Variants in TLK1 observed in about 807,000 individuals in gnomAD.
TLK1 encodes the protein serine/threonine-protein kinase tousled-like 1.
In TLK1, 24 loss-of-function variants were observed where a neutral mutation model predicts 105.3. That is an observed-to-expected ratio of 0.23 (90% CI 0.17 to 0.32). The LOEUF (loss-of-function observed/expected upper bound fraction) is 0.32, where lower values mean the gene tolerates loss of function less well. Ranked by LOEUF, TLK1 falls within the 10% of genes least tolerant of loss-of-function variation. The probability of loss-of-function intolerance (pLI) is 1.00; values close to 1 mark genes in which losing one functional copy is unlikely to be tolerated. For synonymous variants in TLK1, 321 were observed against 310.4 expected (o/e 1.03, Z -0.36); for missense variants, 558 against 910.5 (o/e 0.61, Z 4.98).
intron 3 of TLK1, among the ~76,000 whole-genome samples, chr2:171,062,243 A>G (rs1395645463): frequency 6.6e-6 from 1 of 152,246 alleles, no homozygotes; most frequent in Non-Finnish European, 1.5e-5. Flanking sequence ...CCTGAACTTC[A>G]CAAGAGCTCC....
At chr2:171,114,205 G>GA (rs1052096890) in intron 2 of TLK1, among the ~76,000 whole-genome samples, 3 of 151,918 alleles carry the variant, frequency 2.0e-5, no homozygotes, top group Non-Finnish European at 4.4e-5. Context: ...AAAAATCAAA[G>GA]AAAAAAATGA....
At chr2:171,194,675 G>A (rs566758509) in intron 1 of TLK1, among the ~76,000 whole-genome samples, 28 of 150,930 alleles carry the variant, frequency 1.9e-4, no homozygotes, top group Non-Finnish European at 4.0e-4. Context: ...AAATTAGCCG[G>A]GCGTGGTAGC....
intron 14 of TLK1, 27 bp from the exon 15 acceptor site, chr2:171,007,090 A>C (rs780466743): frequency 1.3e-6 from 2 of 1,562,056 alleles, no homozygotes; most frequent in African/African-American, 1.4e-5. Context: ...AAAACAATTA[A>C]GATGAAAGAC....
chr2:171,203,676 A>G (rs371290818), intron 1 of TLK1, among the ~76,000 whole-genome samples: 10 of 152,332 alleles, frequency 6.6e-5, no homozygotes, highest in African/African-American at 2.4e-4. Context: ...GTTAATTTAT[A>G]CAGAATATAT....
chr2:171,116,990 A>C (rs2105529359), intron 2 of TLK1, among the ~76,000 whole-genome samples: 1 of 152,296 alleles, frequency 6.6e-6, no homozygotes, highest in South Asian at 2.1e-4. Flanking sequence ...AAGTACATGA[A>C]AACTCATCAC....
chr2:171,010,291 G>A (rs1187251068), intron 14 of TLK1, among the ~76,000 whole-genome samples: 1 of 152,122 alleles, frequency 6.6e-6, no homozygotes, highest in Non-Finnish European at 1.5e-5. Context: ...TGAGGGACCA[G>A]GCAGATGAAT....
rs1685452162 is a variant in TLK1, at chr2:171,020,636, CTTA to C, written c.1237-5691_1237-5689del. On this transcript the variant is annotated intron_variant, in intron 12 of 20. Transcript: ENST00000431350. ...ATTACTAATTTATTTCGAATTTATC[CTTA>C]TTATGTCACCATATTATATGCTTTC... 2.0e-5 allele frequency among the ~76,000 whole-genome samples: 3 copies of C among 151,624 alleles called. No homozygotes were observed. In the South Asian group the frequency reaches 6.3e-4, roughly 32 times the overall value.
At chr2:171,216,229 C>A (rs887364328) in intron 1 of TLK1, among the ~76,000 whole-genome samples, 1 of 152,194 alleles carries the variant, frequency 6.6e-6, no homozygotes, top group Non-Finnish European at 1.5e-5. Context: ...GTAATCCCAG[C>A]ACTTTGGGAG....
chr2:171,219,060 G>A lies in TLK1; in HGVS notation c.-6+12085C>T, dbSNP rs537043942. Reference sequence around the variant, plus strand: ...ACAATGATAGATTCAAATCCAGGACGATTTGACTCTAAAGGCCTTGCTCCT... The same window carrying A: ...ACAATGATAGATTCAAATCCAGGACAATTTGACTCTAAAGGCCTTGCTCCT... On this transcript the variant is annotated intron_variant, in intron 1 of 20. Transcript: ENST00000521943. Among the ~76,000 whole-genome samples, 121 of 152,224 alleles carry A rather than the reference G, an allele frequency of 7.9e-4. 2 individuals are homozygous for A. The highest frequency in any genetic ancestry group is 1.5e-3 in the South Asian group (7 of 4,818).
At chr2:171,097,712 G>T (rs967636594) in intron 2 of TLK1, among the ~76,000 whole-genome samples, 1 of 152,138 alleles carries the variant, frequency 6.6e-6, no homozygotes, top group African/African-American at 2.4e-5. Flanking sequence ...ATCATATGAG[G>T]TCAGGAATTG....
chr2:171,067,409 C>T (rs1688052042), intron 3 of TLK1, among the ~76,000 whole-genome samples: 1 of 152,022 alleles, frequency 6.6e-6, no homozygotes, highest in South Asian at 2.1e-4. Context: ...GATCCACCCG[C>T]CTCGGCCTCC....
At chr2:171,115,944 A>C (rs1220083487) in intron 2 of TLK1, among the ~76,000 whole-genome samples, 2 of 152,240 alleles carry the variant, frequency 1.3e-5, no homozygotes, top group East Asian at 3.8e-4. Context: ...GGTAATTCTT[A>C]TTAAAATATC....
Position 171,068,028 on chromosome 2 carries a change from T to C in TLK1, c.331-6872A>G, listed in dbSNP as rs184952096. On this transcript the variant is annotated intron_variant, in intron 3 of 20. Coordinates refer to ENST00000431350, the MANE Select transcript of TLK1 (RefSeq NM_012290.5). ...AATCAGAAAAAAAGTGATCTTTTTTTCCTGAGACATGGGATCAGCCGGGCA... is the reference window on the plus strand; with the variant it reads ...AATCAGAAAAAAAGTGATCTTTTTTCCCTGAGACATGGGATCAGCCGGGCA... Among the ~76,000 whole-genome samples the C allele has an allele frequency of 6.2e-3, 944 of 152,168 alleles. 13 individuals are homozygous for C. The highest frequency in any genetic ancestry group is 0.021 in the African/African-American group (887 of 41,510).
chr2:171,067,959 T>G (rs1688084411), intron 3 of TLK1, among the ~76,000 whole-genome samples: 1 of 152,184 alleles, frequency 6.6e-6, no homozygotes, highest in East Asian at 1.9e-4. Context: ...ACTCATCCTT[T>G]TTTATGGCTG....
Position 171,003,273 on chromosome 2 carries a change from CAAAAAAAAAAAAA to C in TLK1, c.1904+2861_1904+2873del, listed in dbSNP as rs777049271. 1.3e-3 allele frequency among the ~76,000 whole-genome samples: 88 copies of C among 68,500 alleles called. 1 individual carries two copies. The highest frequency in any genetic ancestry group is 4.9e-3 in the African/African-American group (60 of 12,230). The allele number at this position is 68,500 out of a possible 152,430, so 44.9% of individuals were successfully genotyped here. ...TGGGCGACAGAGCAAGACTCCGTCT[CAAAAAAAAAAAAA>C]AAAAAAAAAAAAAAAAAAAGTACAA... On this transcript the variant is annotated intron_variant, in intron 18 of 20. Coordinates refer to ENST00000431350, the MANE Select transcript of TLK1 (RefSeq NM_012290.5).
At chr2:171,132,939 T>C (rs975273163) in intron 1 of TLK1, among the ~76,000 whole-genome samples, 4 of 152,222 alleles carry the variant, frequency 2.6e-5, no homozygotes, top group Non-Finnish European at 5.9e-5. Flanking sequence ...ATTTCTTTAT[T>C]TGTAAAATGA....
intron 11 of TLK1, among the ~76,000 whole-genome samples, chr2:171,031,611 C>G (rs976888673): frequency 2.6e-5 from 4 of 152,052 alleles, no homozygotes; most frequent in African/African-American, 4.8e-5. Flanking sequence ...GCACACATAA[C>G]AATGTATTAT....
chr2:171,048,903 C>T (rs1003013556), intron 10 of TLK1, among the ~76,000 whole-genome samples: 5 of 152,224 alleles, frequency 3.3e-5, no homozygotes, highest in African/African-American at 1.2e-4. Flanking sequence ...CCACCAAAAA[C>T]GGAGTAGCAT....
chr2:171,085,908 G>A (rs1278767962), intron 2 of TLK1, among the ~76,000 whole-genome samples: 2 of 152,140 alleles, frequency 1.3e-5, no homozygotes, highest in Non-Finnish European at 1.5e-5. Context: ...CTAGGGGATG[G>A]AAAGCATACA....
Sources: allele counts gnomAD v4.1 joint callset (sites outside exome capture counted in the v4.1 genomes callset), GRCh38; gene constraint gnomAD v4.1.1; transcripts MANE v1.5; gene names NCBI Gene and HGNC (gene_info 2026-07-23, HGNC 2026-07-21).